Variants in SIL1 observed in about 807,000 individuals in gnomAD.
SIL1 encodes SIL1 nucleotide exchange factor.
A neutral mutation model predicts 49.1 loss-of-function variants in SIL1; 40 were observed. The ratio of observed to expected loss-of-function variants is 0.81; its 90% confidence interval spans 0.63 to 1.06. SIL1 has a LOEUF of 1.06. Among genes scored for constraint, SIL1 ranks in the 50% least tolerant of loss-of-function variants. SIL1 has a pLI of 0.00. For missense variants in SIL1, 500 were observed against 572.6 expected (o/e 0.87, Z 1.29); for synonymous variants, 253 against 250.8 (o/e 1.01, Z -0.08).
At chr5:139,103,334 C>T (rs1269577700) in intron 3 of SIL1, among the ~76,000 whole-genome samples, 1 of 152,196 alleles carries the variant, frequency 6.6e-6, no homozygotes, top group African/African-American at 2.4e-5. Context: ...CTGCCCCTTT[C>T]CTTCCTCCCT....
At position 139,055,842 on chromosome 5, in the gene SIL1, C is replaced by T. The variant is rs527950694; in HGVS notation, c.245-4796G>A. Among the ~76,000 whole-genome samples, 213 of 151,716 alleles carry T rather than the reference C, an allele frequency of 1.4e-3. 3 individuals are homozygous for T. The highest frequency in any genetic ancestry group is 5.0e-3 in the African/African-American group (208 of 41,318). Reference sequence around the variant, plus strand: ...CGCGCCGCCACGCCTGACTGGTTTTCGTATTTTTTTGGTGGAGACGGGGTT... The same window carrying T: ...CGCGCCGCCACGCCTGACTGGTTTTTGTATTTTTTTGGTGGAGACGGGGTT... On this transcript the variant is annotated intron_variant, in intron 3 of 9. Coordinates refer to ENST00000394817, the MANE Select transcript of SIL1 (RefSeq NM_022464.5).
At position 139,003,862 on chromosome 5, in the gene SIL1, C is replaced by A. The variant is rs188136183; in HGVS notation, c.767+17309G>T. 3.2e-4 allele frequency among the ~76,000 whole-genome samples: 49 copies of A among 152,244 alleles called. 1 individual carries two copies. The South Asian group carries it at 7.9e-3, about 24-fold the overall frequency. On this transcript the variant is annotated intron_variant, in intron 7 of 9. Coordinates refer to ENST00000394817, the MANE Select transcript of SIL1 (RefSeq NM_022464.5). ...TATACTCTTTCTAATAACCTCAGCC[C>A]GTGAACAGGACCTTAATGAGAAAAC...
chr5:139,123,432 T>C (rs1750688603), intron 2 of SIL1, among the ~76,000 whole-genome samples: 1 of 152,128 alleles, frequency 6.6e-6, no homozygotes. Context: ...AACAGATGAA[T>C]GAATGCCCCT....
At chr5:138,972,076 G>T (rs1561810661) in intron 7 of SIL1, among the ~76,000 whole-genome samples, 2 of 152,158 alleles carry the variant, frequency 1.3e-5, no homozygotes, top group South Asian at 4.1e-4. Flanking sequence ...GACATAGGAG[G>T]CCTCGTTGTT....
chr5:138,952,436 G>A (rs1766803079), intron 7 of SIL1, among the ~76,000 whole-genome samples: 1 of 152,188 alleles, frequency 6.6e-6, no homozygotes, highest in Non-Finnish European at 1.5e-5. Flanking sequence ...CAAGAGACAG[G>A]AGCCTCTGAA....
At chr5:139,092,782 C>CA (rs1337816239) in intron 3 of SIL1, among the ~76,000 whole-genome samples, 1 of 152,166 alleles carries the variant, frequency 6.6e-6, no homozygotes, top group East Asian at 1.9e-4. Context: ...AGTATGACTT[C>CA]ATTCTTTGGG....
intron 7 of SIL1, among the ~76,000 whole-genome samples, chr5:138,956,609 G>A (rs1766907725): frequency 2.0e-5 from 3 of 152,192 alleles, no homozygotes; most frequent in African/African-American, 7.2e-5. Context: ...CTGGTGTGGT[G>A]TCAGGCACCT....
At chr5:139,145,849 A>C (rs1751185305) in intron 1 of SIL1, among the ~76,000 whole-genome samples, 1 of 152,138 alleles carries the variant, frequency 6.6e-6, no homozygotes. Context: ...GCTTGAGCCC[A>C]GGGGTTTGAG....
chr5:139,131,204 A>G (rs1367257838), intron 1 of SIL1, among the ~76,000 whole-genome samples: 1 of 152,194 alleles, frequency 6.6e-6, no homozygotes, highest in Non-Finnish European at 1.5e-5. Context: ...CCTCAGCCCC[A>G]GTATACCTCA....
intron 1 of SIL1, among the ~76,000 whole-genome samples, chr5:139,159,006 C>T (rs1039173395): frequency 6.6e-6 from 1 of 151,700 alleles, no homozygotes; most frequent in Non-Finnish European, 1.5e-5. Context: ...TACCCTAGAA[C>T]TAATCATGGT....
chr5:139,008,655 T>C (rs1019084218), intron 7 of SIL1, among the ~76,000 whole-genome samples: 4 of 148,758 alleles, frequency 2.7e-5, no homozygotes, highest in African/African-American at 9.9e-5. Flanking sequence ...GATTCTGGTA[T>C]GTTGTGTCTT....
At chr5:139,079,142 T>C (rs888210105) in intron 3 of SIL1, among the ~76,000 whole-genome samples, 1 of 152,184 alleles carries the variant, frequency 6.6e-6, no homozygotes, top group Non-Finnish European at 1.5e-5. Flanking sequence ...TGGAATATTG[T>C]GGGGGCCCAG....
chr5:139,088,320 C>T (rs1770270417), intron 3 of SIL1, among the ~76,000 whole-genome samples: 1 of 152,206 alleles, frequency 6.6e-6, no homozygotes, highest in Non-Finnish European at 1.5e-5. Flanking sequence ...CATTCCTGGT[C>T]AGTTGACTGG....
chr5:138,961,383 T>A (rs1479767376), intron 7 of SIL1, among the ~76,000 whole-genome samples: 1 of 152,242 alleles, frequency 6.6e-6, no homozygotes, highest in African/African-American at 2.4e-5. Flanking sequence ...CTTAACTCTA[T>A]GTTTGTTTTA....
intron 4 of SIL1, among the ~76,000 whole-genome samples, chr5:139,049,995 A>C (rs559819053): frequency 6.6e-6 from 1 of 152,344 alleles, no homozygotes; most frequent in African/African-American, 2.4e-5. Flanking sequence ...CATTGTAGCA[A>C]GAAAGCAGCC....
chr5:139,044,744 A>G (rs368119753), intron 4 of SIL1, among the ~76,000 whole-genome samples: 3 of 151,760 alleles, frequency 2.0e-5, no homozygotes, highest in African/African-American at 7.3e-5. Context: ...TGCATCATCA[A>G]TTTCTCCCTT....
chr5:138,958,995 C>G (rs1766960780), intron 7 of SIL1, among the ~76,000 whole-genome samples: 1 of 152,162 alleles, frequency 6.6e-6, no homozygotes, highest in Non-Finnish European at 1.5e-5. Context: ...TCATTTACTT[C>G]AATGCTCAAA....
chr5:139,056,260 A>T, intron 3 of SIL1, among the ~76,000 whole-genome samples: 1 of 148,980 alleles, frequency 6.7e-6, no homozygotes, highest in Non-Finnish European at 1.5e-5. Context: ...CCATCTAGGA[A>T]GTGAGGAGCG....
intron 1 of SIL1, among the ~76,000 whole-genome samples, chr5:139,186,341 A>G (rs762074065): frequency 6.6e-6 from 1 of 152,180 alleles, no homozygotes; most frequent in Non-Finnish European, 1.5e-5. Context: ...AACGCCCTCA[A>G]AAGTTTTCAA....
Sources: allele counts gnomAD v4.1 joint callset (sites outside exome capture counted in the v4.1 genomes callset), GRCh38; gene constraint gnomAD v4.1.1; transcripts MANE v1.5; gene names NCBI Gene and HGNC (gene_info 2026-07-23, HGNC 2026-07-21).